RPH3AL: variants seen among roughly 807,000 people sequenced by gnomAD.
The protein encoded by RPH3AL is rab effector Noc2.
In RPH3AL, 38 loss-of-function variants were observed where a neutral mutation model predicts 43.1. The observed-to-expected ratio is 0.88, with a 90% confidence interval of 0.68 to 1.15. The LOEUF is 1.15. RPH3AL is among the 50% of genes most tolerant of loss of function. RPH3AL has a pLI of 0.00. For synonymous variants in RPH3AL, 189 were observed against 176.3 expected, an observed-to-expected ratio of 1.07 and a Z score of -0.57; for missense variants, 462 against 423.2, an observed-to-expected ratio of 1.09 and a Z score of -0.81.
intron 5 of RPH3AL, among the ~76,000 whole-genome samples, chr17:286,892 A>C (rs2042926381): frequency 6.8e-6 from 1 of 146,620 alleles, no homozygotes; most frequent in South Asian, 2.1e-4. Flanking sequence ...ACACAACTCC[A>C]GGCTTTCAGA....
chr17:290,509 C>T lies in RPH3AL; in HGVS notation c.352-8655G>A, dbSNP rs1010343317. Among the ~76,000 whole-genome samples, 2 of 152,166 alleles carry T rather than the reference C, an allele frequency of 1.3e-5. No homozygotes were observed. Among genetic ancestry groups the T allele is most frequent in the African/African-American group, 4.8e-5 (2 of 41,442 alleles). Reference sequence around the variant, plus strand: ...CCCGTCCCAAGGCCTGATCAGGCACCTTCCTCAATGTCCTTCTTATCCAGG... The same window carrying T: ...CCCGTCCCAAGGCCTGATCAGGCACTTTCCTCAATGTCCTTCTTATCCAGG... On this transcript the variant is annotated intron_variant, in intron 5 of 9. Coordinates refer to ENST00000331302, the MANE Select transcript of RPH3AL (RefSeq NM_006987.4). This position sits in a 1 kb window ranked among gnomAD's most constrained non-coding sequence, Gnocchi z 4.2.
intron 1 of RPH3AL, among the ~76,000 whole-genome samples, chr17:343,262 A>C (rs2045163834): frequency 6.6e-6 from 1 of 152,188 alleles, no homozygotes; most frequent in Non-Finnish European, 1.5e-5. Flanking sequence ...CACAGGACTG[A>C]GGGCTGTGGA....
Position 264,303 on chromosome 17 carries a change from CCG to C in RPH3AL, c.439-17020_439-17019del, listed in dbSNP as rs2042269274. 3.3e-5 allele frequency among the ~76,000 whole-genome samples: 5 copies of C among 149,938 alleles called. No homozygotes were observed. Among genetic ancestry groups the C allele is most frequent in the East Asian group, 2.0e-4 (1 of 5,058 alleles). On this transcript the variant is annotated intron_variant, in intron 6 of 9. Transcript: ENST00000331302. The surrounding 1 kb of genome is among the most constrained non-coding windows in gnomAD (Gnocchi z 4.8). Reference sequence around the variant, plus strand: ...CGAGCGCTGGATGGGGACTCAGAATCCGCAGCACGTTGACAGCAGGATTACCC... The same window carrying C: ...CGAGCGCTGGATGGGGACTCAGAATCCAGCACGTTGACAGCAGGATTACCC...
intron 5 of RPH3AL, among the ~76,000 whole-genome samples, chr17:295,235 G>C (rs2043145805): frequency 7.0e-6 from 1 of 143,778 alleles, no homozygotes; most frequent in East Asian, 2.2e-4. Flanking sequence ...CACAGATGCT[G>C]CAGAAATGGA....
chr17:320,619 G>C (rs1488406003), intron 4 of RPH3AL, among the ~76,000 whole-genome samples: 2 of 152,040 alleles, frequency 1.3e-5, no homozygotes, highest in Non-Finnish European at 2.9e-5. Context: ...AATCTACACT[G>C]CAGAGTGAGA....
intron 1 of RPH3AL, among the ~76,000 whole-genome samples, chr17:352,014 A>G (rs1438328253): frequency 6.6e-6 from 1 of 152,194 alleles, no homozygotes; most frequent in Non-Finnish European, 1.5e-5. Flanking sequence ...GACCAAGTCA[A>G]CTGGCCACGC....
intron 2 of RPH3AL, among the ~76,000 whole-genome samples, chr17:330,218 A>G (rs1223098845): frequency 6.6e-6 from 1 of 152,204 alleles, no homozygotes; most frequent in Non-Finnish European, 1.5e-5. Context: ...GCTCTACCCC[A>G]TGCACATGTC....
chr17:271,835 C>G (rs893387591), intron 6 of RPH3AL, among the ~76,000 whole-genome samples: 13 of 152,196 alleles, frequency 8.5e-5, no homozygotes, highest in African/African-American at 2.9e-4. Context: ...GAGGGCATCC[C>G]TGTCTTGTGC....
chr17:298,966 A>G (rs948949141), intron 5 of RPH3AL, among the ~76,000 whole-genome samples: 10 of 151,830 alleles, frequency 6.6e-5, no homozygotes, highest in African/African-American at 2.4e-4. Context: ...TGCTCAAGTC[A>G]GCAGGCTGCA....
intron 5 of RPH3AL, among the ~76,000 whole-genome samples, chr17:313,476 T>C (rs975869839): frequency 6.6e-6 from 1 of 152,210 alleles, no homozygotes; most frequent in Non-Finnish European, 1.5e-5. Context: ...TTCAGGACTG[T>C]TCCAGGGGAA....
At chr17:308,092 T>G (rs1412064987) in intron 5 of RPH3AL, among the ~76,000 whole-genome samples, 1 of 152,218 alleles carries the variant, frequency 6.6e-6, no homozygotes, top group African/African-American at 2.4e-5. Flanking sequence ...AAATCCATCT[T>G]TGTAATGAGG....
intron 5 of RPH3AL, among the ~76,000 whole-genome samples, chr17:292,591 G>A (rs554880609): frequency 6.6e-6 from 1 of 152,198 alleles, no homozygotes; most frequent in Non-Finnish European, 1.5e-5. Flanking sequence ...CTGAGCCTCG[G>A]TCCCGGGCTC....
intron 6 of RPH3AL, among the ~76,000 whole-genome samples, chr17:271,777 T>C (rs1348692088): frequency 1.3e-5 from 2 of 152,224 alleles, no homozygotes; most frequent in African/African-American, 2.4e-5. Context: ...TCCTGCCTGA[T>C]TGCCCTGGCC....
chr17:248,033 T>G (rs570371629), intron 6 of RPH3AL, among the ~76,000 whole-genome samples: 134 of 148,096 alleles, frequency 9.0e-4, no homozygotes, highest in Middle Eastern at 3.5e-3. Flanking sequence ...CTCTCCTCCC[T>G]GCCAGCTGAC....
At chr17:325,859 T>C (rs2044607096) in intron 3 of RPH3AL, among the ~76,000 whole-genome samples, 1 of 152,148 alleles carries the variant, frequency 6.6e-6, no homozygotes, top group African/African-American at 2.4e-5. Flanking sequence ...GGGACACAGC[T>C]CCCAGCTCTG....
chr17:242,296 T>A (rs1321207256), intron 7 of RPH3AL, among the ~76,000 whole-genome samples: 24 of 129,418 alleles, frequency 1.9e-4, no homozygotes, highest in Middle Eastern at 3.7e-3. Flanking sequence ...CCTTCCTCTA[T>A]TGATTACCTT....
chr17:255,978 G>A (rs75909758), intron 6 of RPH3AL, among the ~76,000 whole-genome samples: 1,914 of 8,816 alleles, frequency 0.22, 51 homozygotes, highest in African/African-American at 0.25. Context: ...TACTTCCTAT[G>A]AGGGGAGCTG....
intron 1 of RPH3AL, among the ~76,000 whole-genome samples, chr17:347,799 C>A (rs1376362569): frequency 6.6e-6 from 1 of 152,062 alleles, no homozygotes; most frequent in Non-Finnish European, 1.5e-5. Flanking sequence ...ACCAAGATGT[C>A]CTTCATCAGG....
chr17:281,372 A>G (rs1598005316), intron 6 of RPH3AL, among the ~76,000 whole-genome samples: 3 of 152,072 alleles, frequency 2.0e-5, no homozygotes, highest in African/African-American at 4.8e-5. Flanking sequence ...TCATACATGC[A>G]AGGAACTTAT....
Sources: gnomAD v4.1 joint callset for allele counts (sites outside exome capture counted in the v4.1 genomes callset) on GRCh38, gnomAD v4.1.1 for gene constraint, Gnocchi (gnomAD v3.1) non-coding constraint, MANE v1.5 for transcripts, NCBI Gene and HGNC (gene_info 2026-07-23, HGNC 2026-07-21) for gene names.